The following POFUT4 variants were observed in gnomAD, a reference collection of about 807,000 sequenced individuals.
The protein encoded by POFUT4 is protein O-fucosyltransferase 4.
At chr10:73,772,756 C>G in the POFUT4 span, 4 of 1,605,716 alleles carry the variant, frequency 2.5e-6, no homozygotes, top group South Asian at 4.4e-5. Context: ...CGCACCAGAG[C>G]TGGGCGCTCC....
the POFUT4 span, among the ~76,000 whole-genome samples, chr10:73,777,503 TGCAATGAATAGTCCA>T: frequency 6.6e-6 from 1 of 152,102 alleles, no homozygotes; most frequent in Non-Finnish European, 1.5e-5. Context: ...TCACTTTAAG[TGCAATGAATAGTCCA>T]GCTTCATTCA....
the POFUT4 span, chr10:73,773,548 C>CTG: frequency 6.2e-7 from 1 of 1,614,250 alleles, no homozygotes; most frequent in Non-Finnish European, 8.5e-7. Context: ...TACAAGCAAC[C>CTG]TGGGGGCATC....
chr10:73,772,743 T>C, the POFUT4 span: 1 of 1,600,506 alleles, frequency 6.2e-7, no homozygotes, highest in Non-Finnish European at 8.5e-7. Context: ...CTGCCGCGCC[T>C]GGCGCACCAG....
the POFUT4 span, chr10:73,772,882 G>A: frequency 1.9e-6 from 3 of 1,612,096 alleles, no homozygotes; most frequent in South Asian, 2.2e-5. Flanking sequence ...CGCTGCAGTG[G>A]CTGCCCGGGA....
chr10:73,775,517 C>T, the POFUT4 span: 13 of 1,614,220 alleles, frequency 8.1e-6, no homozygotes, highest in Non-Finnish European at 1.1e-5. Flanking sequence ...GTTCCATAAT[C>T]CAACCCCCAT....
At chr10:73,772,373 G>C in the POFUT4 span, 1 of 1,552,002 alleles carries the variant, frequency 6.4e-7, no homozygotes, top group Non-Finnish European at 8.7e-7. Context: ...GGTCCTTCTA[G>C]GGGTGCTCAG....
chr10:73,775,668 A>G, the POFUT4 span: 31 of 1,614,110 alleles, frequency 1.9e-5, no homozygotes, highest in Admixed American at 5.0e-4. Flanking sequence ...AATCTTCATG[A>G]AGAGGCAACA....
At chr10:73,776,796 C>T in the POFUT4 span, among the ~76,000 whole-genome samples, 137 of 152,304 alleles carry the variant, frequency 9.0e-4, no homozygotes, top group Admixed American at 2.5e-3. Context: ...TCTCCTGCCT[C>T]AGCCTCCTGA....
chr10:73,780,103 A>G, the POFUT4 span: 1 of 152,232 alleles, frequency 6.6e-6, no homozygotes, highest in East Asian at 1.9e-4. Context: ...AGAGGTTGGC[A>G]TTATTGGTGA....
At chr10:73,772,584 G>C in the POFUT4 span, 2 of 1,586,580 alleles carry the variant, frequency 1.3e-6, no homozygotes, top group South Asian at 2.3e-5. Flanking sequence ...TGGAGCCCAG[G>C]GCTATTCCCC....
chr10:73,772,690 G>A, the POFUT4 span: 3 of 1,566,678 alleles, frequency 1.9e-6, no homozygotes, highest in Non-Finnish European at 2.6e-6. Context: ...GGACGCGCGC[G>A]CTGCTCTTCT....
At chr10:73,772,583 G>C in the POFUT4 span, 1 of 1,586,920 alleles carries the variant, frequency 6.3e-7, no homozygotes, top group African/African-American at 1.4e-5. Context: ...GTGGAGCCCA[G>C]GGCTATTCCC....
the POFUT4 span, chr10:73,775,320 AATT>A: frequency 1.0e-5 from 11 of 1,102,564 alleles, no homozygotes; most frequent in Non-Finnish European, 1.5e-5. Flanking sequence ...CAGGAATCGT[AATT>A]GATTGGGTAG....
the POFUT4 span, chr10:73,772,582 AG>A: frequency 6.3e-7 from 1 of 1,587,046 alleles, no homozygotes; most frequent in Admixed American, 1.8e-5. Context: ...GGTGGAGCCC[AG>A]GGCTATTCCC....
chr10:73,772,918 T>G, the POFUT4 span: 1 of 1,610,858 alleles, frequency 6.2e-7, no homozygotes, highest in South Asian at 1.1e-5. Flanking sequence ...GCCCGGTGCC[T>G]CCGCCCATGG....
chr10:73,775,514 AATCC>A, the POFUT4 span: 1 of 1,614,236 alleles, frequency 6.2e-7, no homozygotes, highest in South Asian at 1.1e-5. Flanking sequence ...GCAGTTCCAT[AATCC>A]AACCCCCATT....
chr10:73,776,330 T>G, the POFUT4 span: 1 of 152,158 alleles, frequency 6.6e-6, no homozygotes, highest in African/African-American at 2.4e-5. Context: ...TCCATCCGCC[T>G]TGACCTCCCA....
chr10:73,778,391 C>CAAAAA, the POFUT4 span, among the ~76,000 whole-genome samples: 1 of 43,050 alleles, frequency 2.3e-5, no homozygotes, highest in Admixed American at 2.6e-4. Context: ...AACTCCATCC[C>CAAAAA]AAAAAAAAAA....
chr10:73,779,205 T>G, the POFUT4 span: 1 of 151,094 alleles, frequency 6.6e-6, no homozygotes, highest in Admixed American at 6.6e-5. Context: ...GGCTGTAGTA[T>G]GCTGTGAGTG....
Sources: gnomAD v4.1 joint callset for allele counts (sites outside exome capture counted in the v4.1 genomes callset) on GRCh38, gnomAD v4.1.1 for gene constraint, MANE v1.5 for transcripts, NCBI Gene and HGNC (gene_info 2026-07-23, HGNC 2026-07-21) for gene names.